Variants in HTR2B observed in about 807,000 individuals in gnomAD.
The protein encoded by HTR2B is 5-hydroxytryptamine receptor 2B, also known as 5-HT 2B receptor.
In HTR2B, 31 loss-of-function variants were observed where a neutral mutation model predicts 39.8. The ratio of observed to expected loss-of-function variants is 0.78; its 90% CI spans 0.58 to 1.05. The LOEUF is 1.05. Ranked by LOEUF, HTR2B falls within the 50% of genes least tolerant of loss-of-function variation. The pLI, the probability that HTR2B is intolerant of heterozygous loss-of-function variation, is 0.00. For missense variants in HTR2B, 562 were observed against 578.0 expected, an observed-to-expected ratio of 0.97 and a Z score of 0.28; for synonymous variants, 210 against 207.1, an observed-to-expected ratio of 1.01 and a Z score of -0.12.
intron 3 of HTR2B, among the ~76,000 whole-genome samples, chr2:231,111,661 G>A (rs945216461): frequency 2.0e-5 from 3 of 152,098 alleles, no homozygotes; most frequent in Non-Finnish European, 2.9e-5. Flanking sequence ...ATTTGTGATC[G>A]GTTCTACAAG....
At chr2:231,118,355 T>C (rs537072489) in intron 2 of HTR2B, among the ~76,000 whole-genome samples, 1 of 152,296 alleles carries the variant, frequency 6.6e-6, no homozygotes, top group South Asian at 2.1e-4. Flanking sequence ...TTCTACCTGC[T>C]GTAGCAAAAG....
chr2:231,117,209 GTTTAT>G (rs1250858772), intron 2 of HTR2B, among the ~76,000 whole-genome samples: 8 of 151,890 alleles, frequency 5.3e-5, no homozygotes, highest in Non-Finnish European at 1.0e-4. Context: ...ATTTCAAAAC[GTTTAT>G]TTTAGGAGTT....
intron 2 of HTR2B, among the ~76,000 whole-genome samples, chr2:231,116,038 G>C (rs560404677): frequency 6.6e-6 from 1 of 152,252 alleles, no homozygotes; most frequent in Non-Finnish European, 1.5e-5. Flanking sequence ...ATGTCTCATG[G>C]AAAGGAACTA....
intron 2 of HTR2B, among the ~76,000 whole-genome samples, chr2:231,120,276 T>A (rs1189133229): frequency 1.3e-5 from 2 of 152,214 alleles, no homozygotes; most frequent in African/African-American, 4.8e-5. Flanking sequence ...TTAAATCACT[T>A]ATAAAATGAA....
chr2:231,113,894 C>T lies in HTR2B; in HGVS notation c.388G>A (p.Ala130Thr). ...AAGAGAACGTCAAGAAATAACCAGG[C>T]AGGACATAGAACAAGTGGGAGGGGC... ...MWPLPLVLCP[A>T]WLFLDVLFST... The change falls in exon 3 of 4, where the codon GCC becomes ACC. Residue 130 changes from alanine (A) to threonine (T), a missense_variant. By Grantham distance (58) the Ala-to-Thr change is moderately conservative. Transcript: ENST00000258400. The T allele has an allele frequency of 6.2e-7, 1 of 1,614,066 alleles. No homozygotes were observed. Among genetic ancestry groups the T allele is most frequent in the South Asian group, 1.1e-5 (1 of 91,088 alleles).
At chr2:231,116,795 G>C (rs1442644826) in intron 2 of HTR2B, among the ~76,000 whole-genome samples, 1 of 152,024 alleles carries the variant, frequency 6.6e-6, no homozygotes, top group Non-Finnish European at 1.5e-5. Flanking sequence ...ATGTGATACA[G>C]AATTTTCTTT....
intron 2 of HTR2B, among the ~76,000 whole-genome samples, chr2:231,116,374 A>G (rs1278228731): frequency 6.6e-6 from 1 of 152,144 alleles, no homozygotes; most frequent in Non-Finnish European, 1.5e-5. Flanking sequence ...TTTAAAAGGC[A>G]GGTAATTATT....
At chr2:231,113,270 TC>T (rs1695219675) in intron 3 of HTR2B, among the ~76,000 whole-genome samples, 1 of 152,348 alleles carries the variant, frequency 6.6e-6, no homozygotes, top group South Asian at 2.1e-4. Flanking sequence ...GAATTTGTGT[TC>T]TTTGATACCT....
In HTR2B at chr2:231,109,320, C is replaced by T. The variant is rs776698051; in HGVS notation, c.643G>A (p.Gly215Ser). The T allele has an allele frequency of 1.9e-6, 3 of 1,613,986 alleles. No individual in the cohort carries two copies. The East Asian group carries it at 6.7e-5, about 36-fold the overall frequency. The change falls in exon 4 of 4, where the codon GGC (glycine) becomes AGC (serine). Residue 215 changes from glycine (G) to serine (S), a missense_variant. Gly to Ser is a moderately conservative substitution (Grantham distance 56). Transcript: ENST00000258400. ...AGTGAGCCAAAGAGCATGAAATCGC[C>T]AAAACGTTCCTTTGTCAGCACACAA... ...ITCVLTKERF[G>S]DFMLFGSLAA... is the part of the protein sequence containing the mutation.
chr2:231,112,250 T>C (rs1010609875), intron 3 of HTR2B, among the ~76,000 whole-genome samples: 6 of 152,230 alleles, frequency 3.9e-5, no homozygotes, highest in Non-Finnish European at 8.8e-5. Context: ...ATAGTTTTCC[T>C]CCTCTGCACT....
Position 231,117,762 on chromosome 2 carries a change from T to C in HTR2B, c.353-3833A>G, listed in dbSNP as rs1020454636. Among the ~76,000 whole-genome samples, 5 of 152,256 alleles carry C rather than the reference T, an allele frequency of 3.3e-5. No homozygotes were observed. The East Asian group carries it at 5.8e-4, about 18-fold the overall frequency. On this transcript the variant is annotated intron_variant, in intron 2 of 3. Coordinates refer to ENST00000258400, the MANE Select transcript of HTR2B (RefSeq NM_000867.5). ...CCACAGAAAAGAGATCTTGCAGTCA[T>C]CTGAAGGATTTGTACAAGTATAGGT... is the stretch of plus-strand genomic sequence containing the variant.
At chr2:231,112,956 A>G (rs1273470530) in intron 3 of HTR2B, among the ~76,000 whole-genome samples, 1 of 152,096 alleles carries the variant, frequency 6.6e-6, no homozygotes, top group Non-Finnish European at 1.5e-5. Context: ...CCAGAGCTCA[A>G]GAGTTTGAGA....
chr2:231,110,796 G>T (rs546182410), intron 3 of HTR2B, among the ~76,000 whole-genome samples: 1 of 152,198 alleles, frequency 6.6e-6, no homozygotes, highest in Non-Finnish European at 1.5e-5. Context: ...ACTCCCATTT[G>T]TTAGTAACAT....
chr2:231,115,150 T>C lies in HTR2B; in HGVS notation c.353-1221A>G, dbSNP rs564164432. On this transcript the variant is annotated intron_variant, in intron 2 of 3. Coordinates refer to ENST00000258400, the MANE Select transcript of HTR2B (RefSeq NM_000867.5). Reference sequence around the variant, plus strand: ...TCTTCTATTGTTAACTGTTTAAAATTTAAGGAGCCTGGGGGTGGAGAGAGA... The same window carrying C: ...TCTTCTATTGTTAACTGTTTAAAATCTAAGGAGCCTGGGGGTGGAGAGAGA... Among the ~76,000 whole-genome samples, 4 of 152,100 alleles carry C rather than the reference T, an allele frequency of 2.6e-5. No homozygotes were observed. In the South Asian group the frequency reaches 8.3e-4, roughly 32 times the overall value.
rs1167595328 is a variant in HTR2B at position 231,108,720 on chromosome 2, T to A, written c.1243A>T (p.Ile415Phe). Residue 415 changes from isoleucine to phenylalanine, a missense_variant, in exon 4 of 4, where the codon ATC (isoleucine) becomes TTC (phenylalanine). Coordinates refer to ENST00000258400, the MANE Select transcript of HTR2B (RefSeq NM_000867.5). ...VKTLRKRSSK[I>F]YFRNPMAENS... The stretch of plus-strand genomic sequence containing the variant: ...TCTGCCATTGGATTCCGGAAGTAGA[T>A]CTTACTGGAGCGTTTTCTGAGAGTT... The A allele has an allele frequency of 3.1e-6, 5 of 1,614,028 alleles. No individual in the cohort carries two copies. The highest frequency in any genetic ancestry group is 4.5e-5 in the East Asian group (2 of 44,884).
chr2:231,116,194 C>T (rs151023002), intron 2 of HTR2B, among the ~76,000 whole-genome samples: 1 of 152,120 alleles, frequency 6.6e-6, no homozygotes, highest in Non-Finnish European at 1.5e-5. Context: ...AGCTTCAAAG[C>T]GAACTAACAG....
rs1165938068 is a variant in HTR2B at position 231,109,064 on chromosome 2, G to A, written c.899C>T (p.Thr300Ile). The A allele has an allele frequency of 5.0e-6, 8 of 1,614,098 alleles. No homozygotes were observed. The Admixed American group carries it at 8.3e-5, about 17-fold the overall frequency. Reference protein sequence around the residue: ...DKALPNSGDETLMRRTSTIGK... With the variant: ...DKALPNSGDEILMRRTSTIGK... ...AATTGTGGATGTTCTTCGCATAAGT[G>A]TTTCATCACCTGAGTTGGGCAGAGC... is the stretch of plus-strand genomic sequence containing the variant. The change falls in exon 4 of 4, where the codon ACA (threonine) becomes ATA (isoleucine). Residue 300 changes from threonine (T) to isoleucine (I), a missense_variant. Thr to Ile is a moderately conservative substitution (Grantham distance 89). Coordinates refer to ENST00000258400, the MANE Select transcript of HTR2B (RefSeq NM_000867.5).
At chr2:231,118,530 A>G (rs1295277293) in intron 2 of HTR2B, among the ~76,000 whole-genome samples, 1 of 152,212 alleles carries the variant, frequency 6.6e-6, no homozygotes, top group African/African-American at 2.4e-5. Flanking sequence ...TATACGGTAC[A>G]GGAAAATAAC....
In HTR2B at chr2:231,123,510, CA is replaced by C. The variant is rs1265070581; in HGVS notation, c.254del (p.Leu85ArgfsTer9). ...TTAGAAAGTAATTAGTAGCATACTG[CA>C]GCTTCTTCTCCAGTGAAACAGCCAG... ...VILAVSLEKK[L>X]QYATNYFLMS... On this transcript the variant is annotated frameshift_variant, in exon 2 of 4. Transcript: ENST00000258400. LOFTEE classifies it high-confidence loss of function. 5 of 1,614,050 alleles carry C rather than the reference CA, an allele frequency of 3.1e-6. No individual in the cohort carries two copies. The highest frequency in any genetic ancestry group is 4.2e-6 in the Non-Finnish European group (5 of 1,179,906).
Sources: allele counts gnomAD v4.1 joint callset (sites outside exome capture counted in the v4.1 genomes callset), GRCh38; gene constraint gnomAD v4.1.1; transcripts MANE v1.5; gene names NCBI Gene and HGNC (gene_info 2026-07-23, HGNC 2026-07-21).